ADD3: variants seen among roughly 807,000 people sequenced by gnomAD.
ADD3 encodes adducin 3.
In ADD3, 25 loss-of-function variants were observed where a neutral mutation model predicts 80.2. The ratio of observed to expected loss-of-function variants is 0.31; its 90% CI spans 0.23 to 0.44. ADD3 has a LOEUF of 0.44. Among genes scored for constraint, ADD3 ranks in the 20% least tolerant of loss-of-function variants. The pLI, the probability that ADD3 is intolerant of heterozygous loss-of-function variation, is 1.00. For synonymous variants in ADD3, 284 were observed against 289.6 expected (o/e 0.98, Z 0.20); for missense variants, 829 against 847.5 (o/e 0.98, Z 0.27).
intron 1 of ADD3, among the ~76,000 whole-genome samples, chr10:110,025,268 T>TAATCCCAGCCTGTAATCCC (rs1854153354): frequency 6.6e-6 from 1 of 151,942 alleles, no homozygotes; most frequent in Non-Finnish European, 1.5e-5. Flanking sequence ...TGGGAGGTGG[T>TAATCCCAGCCTGTAATCCC]AGCTATAATA....
rs1850524758 is a variant in ADD3, at chr10:110,114,965, G to A, written c.335-1294G>A. 2.0e-5 allele frequency among the ~76,000 whole-genome samples: 3 copies of A among 151,700 alleles called. No individual in the cohort carries two copies. The South Asian group carries it at 6.2e-4, about 31-fold the overall frequency. ...TGTGGCAGCATGCCCTGTAGTCCTA[G>A]CTACTCAGGAGGCTGAGGTGGAAGG... On this transcript the variant is annotated intron_variant, in intron 3 of 14. Coordinates refer to ENST00000356080, the MANE Select transcript of ADD3 (RefSeq NM_016824.5).
intron 1 of ADD3, among the ~76,000 whole-genome samples, chr10:110,016,842 G>A (rs1430548477): frequency 6.6e-6 from 1 of 152,172 alleles, no homozygotes; most frequent in African/African-American, 2.4e-5. Flanking sequence ...AGAACTGGAG[G>A]TAGTAGAACT....
chr10:110,020,076 C>T (rs998153196), intron 1 of ADD3, among the ~76,000 whole-genome samples: 1 of 152,212 alleles, frequency 6.6e-6, no homozygotes, highest in Non-Finnish European at 1.5e-5. Flanking sequence ...TTTCCACTCT[C>T]ATCTGAACTT....
intron 2 of ADD3, 103 bp downstream of exon 2, chr10:110,100,951 A>T (rs1443164027): frequency 9.2e-7 from 1 of 1,089,072 alleles, no homozygotes; most frequent in Non-Finnish European, 1.3e-6. Context: ...AGAGGGGTGG[A>T]GGAGGAGTGG....
At chr10:110,011,773 C>T (rs1228434081) in intron 1 of ADD3, among the ~76,000 whole-genome samples, 3 of 152,142 alleles carry the variant, frequency 2.0e-5, no homozygotes, top group Non-Finnish European at 4.4e-5. Context: ...AAAATAAGTG[C>T]CTTAATACTT....
intron 1 of ADD3, among the ~76,000 whole-genome samples, chr10:110,020,658 C>G (rs1853563727): frequency 1.3e-5 from 2 of 152,234 alleles, no homozygotes; most frequent in Admixed American, 1.3e-4. Flanking sequence ...TGTTTTGAGA[C>G]TAGACCATAG....
At chr10:110,113,508 C>T (rs1471899110) in intron 3 of ADD3, among the ~76,000 whole-genome samples, 1 of 152,170 alleles carries the variant, frequency 6.6e-6, no homozygotes, top group Non-Finnish European at 1.5e-5. Context: ...ACCTCACGAT[C>T]TACCCACCTT....
intron 1 of ADD3, among the ~76,000 whole-genome samples, chr10:110,082,237 T>TAAA (rs1309141460): frequency 1.7e-5 from 2 of 118,156 alleles, no homozygotes; most frequent in Non-Finnish European, 3.1e-5. Flanking sequence ...AGTATCACTC[T>TAAA]AAAAAAAAAC....
intron 1 of ADD3, among the ~76,000 whole-genome samples, chr10:109,998,062 T>C (rs1851414861): frequency 6.6e-6 from 1 of 152,258 alleles, no homozygotes; most frequent in Non-Finnish European, 1.5e-5. Flanking sequence ...ATAAAGTTCT[T>C]GCTCTTTTGA....
At chr10:110,098,691 G>A (rs550469697) in intron 1 of ADD3, among the ~76,000 whole-genome samples, 7 of 151,728 alleles carry the variant, frequency 4.6e-5, no homozygotes, top group African/African-American at 1.7e-4. Flanking sequence ...GTGCAATGGC[G>A]TGATCTCAGC....
Position 110,090,153 on chromosome 10 carries a change from C to CG in ADD3, c.-29-10472_-29-10471insG, listed in dbSNP as rs1282444533. On this transcript the variant is annotated intron_variant, in intron 1 of 14. Coordinates refer to ENST00000356080, the MANE Select transcript of ADD3 (RefSeq NM_016824.5). The stretch of plus-strand genomic sequence containing the variant: ...GACTGATCCTCAGCATTGTCCAACT[C>CG]TGTCTTTAGTCTTTGAATCACCCTG... Among the ~76,000 whole-genome samples the CG allele has an allele frequency of 2.0e-5, 3 of 150,862 alleles. No homozygotes were observed. In the East Asian group the frequency reaches 5.8e-4, roughly 29 times the overall value.
At position 110,133,712 on chromosome 10, in the gene ADD3, G is replaced by C. The variant is rs886285512; in HGVS notation, c.*94G>C. ...ATCATTAATATGCAATGGTAGATCA[G>C]ATTGGGGGATGTAGCAAACTGGACT... On this transcript the variant is annotated 3_prime_UTR_variant, in exon 15 of 15. Coordinates refer to ENST00000356080, the MANE Select transcript of ADD3 (RefSeq NM_016824.5). 5 of 1,071,190 alleles carry C rather than the reference G, an allele frequency of 4.7e-6. No individual in the cohort carries two copies. Among genetic ancestry groups the C allele is most frequent in the Non-Finnish European group, 6.3e-6 (5 of 790,772 alleles). 66.4% of individuals were successfully genotyped at this position (1,071,190 alleles called of 1,614,324 possible).
At chr10:110,067,881 G>GT (rs899117630) in intron 1 of ADD3, among the ~76,000 whole-genome samples, 6 of 151,560 alleles carry the variant, frequency 4.0e-5, no homozygotes, top group Admixed American at 6.6e-5. Flanking sequence ...GATTTGCTTT[G>GT]TTTTTTTCAT....
At chr10:110,090,597 CT>C (rs1270498530) in intron 1 of ADD3, among the ~76,000 whole-genome samples, 1 of 152,158 alleles carries the variant, frequency 6.6e-6, no homozygotes, top group Admixed American at 6.5e-5. Flanking sequence ...CATCTAACTG[CT>C]TTGTTCCAAT....
At chr10:110,062,531 G>C (rs1859056801) in intron 1 of ADD3, among the ~76,000 whole-genome samples, 1 of 152,188 alleles carries the variant, frequency 6.6e-6, no homozygotes, top group South Asian at 2.1e-4. Context: ...AGCGAGCTGT[G>C]ATCTCACCAC....
chr10:110,004,992 C>T (rs1851572248), upstream of ADD3, among the ~76,000 whole-genome samples: 1 of 152,124 alleles, frequency 6.6e-6, no homozygotes, highest in African/African-American at 2.4e-5. Flanking sequence ...ACTGAAATAG[C>T]ATTAATACTG....
chr10:110,081,203 T>C (rs1846015079), intron 1 of ADD3, among the ~76,000 whole-genome samples: 1 of 152,234 alleles, frequency 6.6e-6, no homozygotes, highest in African/African-American at 2.4e-5. Flanking sequence ...ATTATTATTA[T>C]TCAAATAATG....
At chr10:110,079,457 AGAGAGTGTGTGTGTGT>A (rs1199059248) in intron 1 of ADD3, among the ~76,000 whole-genome samples, 91 of 121,182 alleles carry the variant, frequency 7.5e-4, no homozygotes, top group African/African-American at 3.0e-3. Flanking sequence ...AGAGAGAGAG[AGAGAGTGTGTGTGTGT>A]GTGTGTGTGT....
chr10:110,081,084 C>T (rs1197506827), intron 1 of ADD3, among the ~76,000 whole-genome samples: 1 of 152,142 alleles, frequency 6.6e-6, no homozygotes, highest in Non-Finnish European at 1.5e-5. Context: ...AAGACATTTT[C>T]TTGGCCAATA....
Sources: gnomAD v4.1 joint callset for allele counts (sites outside exome capture counted in the v4.1 genomes callset) on GRCh38, gnomAD v4.1.1 for gene constraint, MANE v1.5 for transcripts, NCBI Gene and HGNC (gene_info 2026-07-23, HGNC 2026-07-21) for gene names.